TOP2B: variants seen among roughly 807,000 people sequenced by gnomAD.
TOP2B encodes DNA topoisomerase II beta.
In TOP2B, 51 loss-of-function variants were observed where a neutral mutation model predicts 193.5. The observed-to-expected ratio is 0.26, with a 90% CI of 0.21 to 0.33. The LOEUF (loss-of-function observed/expected upper bound fraction) is 0.33. Ranked by LOEUF, TOP2B falls within the 10% of genes least tolerant of loss-of-function variation. The pLI is 1.00. For synonymous variants in TOP2B, 634 were observed against 635.7 expected (o/e 1.00, Z 0.04); for missense variants, 1,378 against 1,909.3 (o/e 0.72, Z 5.19).
rs1180311249 is a variant in TOP2B at position 25,609,352 on chromosome 3, A to C, written c.3932-8T>G. ...TTTTTCTCACTCTGGTACCTAAAGC[A>C]AAAGAATAGCAATAAGGTATGTATC... On this transcript the variant is annotated splice_region_variant and splice_polypyrimidine_tract_variant and intron_variant, in intron 29 of 35. Transcript: ENST00000264331. The C allele has an allele frequency of 6.3e-7, 1 of 1,580,420 alleles. No homozygotes were observed. Among genetic ancestry groups the C allele is most frequent in the Non-Finnish European group, 8.6e-7 (1 of 1,161,214 alleles).
chr3:25,657,282 A>C (rs1446768088), intron 1 of TOP2B, among the ~76,000 whole-genome samples: 1 of 152,218 alleles, frequency 6.6e-6, no homozygotes, highest in Non-Finnish European at 1.5e-5. Flanking sequence ...AAGGGGAGAG[A>C]GGGCAACTTA....
rs780086570 is a variant in TOP2B, at chr3:25,601,195, G to A, written c.4520C>T (p.Pro1507Leu). Residue 1507 changes from proline (P) to leucine (L), a missense_variant, in exon 34 of 36, where the codon CCC (proline) becomes CTC (leucine). Around this residue, in one of 9 missense-constraint regions of TOP2B, gnomAD observed 556 missense variants for 584.2 expected, o/e 0.95. Transcript: ENST00000264331. ...TTTCTTCTGTTTTGGGGCTCTCTTG[G>A]GCTTAGGGACTGTATCTGAAGACGG... ...GKPSSDTVPK[P>L]KRAPKQKKVV... 1.9e-6 allele frequency: 3 copies of A among 1,613,656 alleles called. No individual in the cohort carries two copies. The highest frequency in any genetic ancestry group is 2.5e-6 in the Non-Finnish European group (3 of 1,179,724).
chr3:25,611,274 C>T (rs902936469), intron 28 of TOP2B, among the ~76,000 whole-genome samples: 1 of 152,082 alleles, frequency 6.6e-6, no homozygotes, highest in African/African-American at 2.4e-5. Context: ...AACCATCTTC[C>T]GAGGGAGACA....
intron 23 of TOP2B, among the ~76,000 whole-genome samples, 174 bp from the exon 24 acceptor site, chr3:25,619,023 T>G (rs890159587): frequency 6.6e-6 from 1 of 152,162 alleles, no homozygotes. Flanking sequence ...CACATTTCTG[T>G]AAATATTTCT....
At position 25,664,831 on chromosome 3, in the gene TOP2B, G is replaced by A. The variant is rs918756772; in HGVS notation, c.-534C>T. ...CCCGATTTCCTCACACACACACACC[G>A]AGAGGGACAATAAACAGAGCCGCCG... On this transcript the variant is annotated 5_prime_UTR_variant, in exon 1 of 36. Transcript: ENST00000264331. 2 of 990,972 alleles carry A rather than the reference G, an allele frequency of 2.0e-6. No homozygotes were observed. Among genetic ancestry groups the A allele is most frequent in the Middle Eastern group, 2.8e-4 (1 of 3,572 alleles). 61.4% of individuals were successfully genotyped at this position (990,972 alleles called of 1,614,324 possible). A position where few individuals can be genotyped will look rare whatever the true frequency, so the allele number is the denominator to read the frequency against.
intron 15 of TOP2B, 116 bp from the exon 16 acceptor site, chr3:25,627,412 T>A: frequency 5.4e-6 from 3 of 560,408 alleles, no homozygotes; most frequent in Middle Eastern, 5.8e-4. Flanking sequence ...ACACCTATAC[T>A]AAGTGATCAA....
chr3:25,664,883 T>C lies in TOP2B; in HGVS notation c.-586A>G, dbSNP rs1010838937. On this transcript the variant is annotated 5_prime_UTR_variant, in exon 1 of 36. Transcript: ENST00000264331. ...CGCCGCCGCCACGGTCACCTCCCTC[T>C]TGTCCGGCATAACACCGCACACACA... is the stretch of plus-strand genomic sequence containing the variant. The C allele has an allele frequency of 8.1e-6, 8 of 990,910 alleles. No homozygotes were observed. In the African/African-American group the frequency reaches 1.4e-4, roughly 17 times the overall value. 61.4% of individuals were successfully genotyped at this position (990,910 alleles called of 1,614,324 possible).
In TOP2B at chr3:25,615,567, G is replaced by C; in HGVS notation, c.3371C>G (p.Thr1124Arg). 6.4e-7 allele frequency: 1 copy of C among 1,562,254 alleles called. No individual in the cohort carries two copies. The highest frequency in any genetic ancestry group is 8.7e-7 in the Non-Finnish European group (1 of 1,155,178). ...GGAACTATCATCATGCTGGTTTTGT[G>C]TTTCATCCTCTTCTGCTGCCTGTAA... ...AQEKAAEEDE[T>R]QNQHDDSSSD... Residue 1124 changes from threonine to arginine, a missense_variant, in exon 26 of 36, where the codon ACA (threonine) becomes AGA (arginine). Transcript: ENST00000264331.
intron 30 of TOP2B, among the ~76,000 whole-genome samples, chr3:25,608,262 A>G (rs1464269141): frequency 6.6e-6 from 1 of 152,252 alleles, no homozygotes; most frequent in African/African-American, 2.4e-5. Flanking sequence ...AATTATCGTG[A>G]AAGGCATATT....
chr3:25,638,090 C>T (rs1703153248), intron 5 of TOP2B, 75 bp downstream of exon 5: 2 of 1,348,524 alleles, frequency 1.5e-6, no homozygotes, highest in Non-Finnish European at 2.0e-6. Context: ...CAAAACTGCA[C>T]AATTTCCTTA....
At chr3:25,649,240 G>T (rs1703509398) in intron 1 of TOP2B, among the ~76,000 whole-genome samples, 1 of 152,070 alleles carries the variant, frequency 6.6e-6, no homozygotes, top group African/African-American at 2.4e-5. Context: ...AGAGCTTAAA[G>T]AACTTATGGG....
chr3:25,651,278 G>A (rs1463468676), intron 1 of TOP2B, among the ~76,000 whole-genome samples: 1 of 152,012 alleles, frequency 6.6e-6, no homozygotes. Context: ...CAAAGCAGGG[G>A]AGGGCAGAGG....
intron 11 of TOP2B, 135 bp downstream of exon 11, chr3:25,630,666 T>C (rs991008932): frequency 2.1e-6 from 2 of 933,322 alleles, no homozygotes; most frequent in South Asian, 2.3e-5. Flanking sequence ...GTTGTGTATG[T>C]GATAATTTCA....
chr3:25,647,270 A>G (rs1194915386), intron 1 of TOP2B, among the ~76,000 whole-genome samples: 1 of 152,236 alleles, frequency 6.6e-6, no homozygotes, highest in African/African-American at 2.4e-5. Context: ...CGATTCTAAC[A>G]ATAAAATCAT....
At chr3:25,644,642 A>G (rs554460643) in intron 2 of TOP2B, among the ~76,000 whole-genome samples, 28 of 137,582 alleles carry the variant, frequency 2.0e-4, no homozygotes, top group Admixed American at 1.7e-3. Context: ...CAGAGGTTGC[A>G]CCGAGCCAAG....
At chr3:25,632,894 A>T in intron 8 of TOP2B, 100 bp from the exon 9 acceptor site, 1 of 998,256 alleles carries the variant, frequency 1.0e-6, no homozygotes, top group Admixed American at 2.5e-5. Flanking sequence ...AGAGTAATAG[A>T]GTCTCAGAAC....
At chr3:25,626,188 G>A (rs2125372414) in intron 18 of TOP2B, among the ~76,000 whole-genome samples, 1 of 151,824 alleles carries the variant, frequency 6.6e-6, no homozygotes, top group South Asian at 2.1e-4. Context: ...TTAGGCTTTG[G>A]GTAATACAGA....
chr3:25,630,233 GAAGTT>G (rs1285259891), intron 12 of TOP2B, 74 bp downstream of exon 12: 2 of 1,518,732 alleles, frequency 1.3e-6, no homozygotes, highest in African/African-American at 1.4e-5. Context: ...AAAAATTCGA[GAAGTT>G]TAGTAAAGTA....
chr3:25,636,641 C>G (rs993215356), intron 6 of TOP2B, among the ~76,000 whole-genome samples: 1 of 152,018 alleles, frequency 6.6e-6, no homozygotes, highest in Non-Finnish European at 1.5e-5. Flanking sequence ...ATAAACTAAA[C>G]TGTACAACTT....
Sources: allele counts gnomAD v4.1 joint callset (sites outside exome capture counted in the v4.1 genomes callset), GRCh38; gene constraint gnomAD v4.1.1; regional missense constraint gnomAD v4.1.1; transcripts MANE v1.5; gene names NCBI Gene and HGNC (gene_info 2026-07-23, HGNC 2026-07-21).